ADGRL2: variants seen among roughly 807,000 people sequenced by gnomAD.
ADGRL2 encodes the protein calcium-independent alpha-latrotoxin receptor 2.
Under a neutral mutation model 157.4 loss-of-function variants are expected in ADGRL2, and 44 were observed. The ratio of observed to expected loss-of-function variants is 0.28; its 90% confidence interval spans 0.22 to 0.36. ADGRL2 has a LOEUF of 0.36. Ranked by LOEUF, ADGRL2 falls within the 10% of genes least tolerant of loss-of-function variation. The pLI, the probability that ADGRL2 is intolerant of heterozygous loss-of-function variation, is 1.00. For missense variants in ADGRL2, 1,510 were observed against 1,768.9 expected (o/e 0.85, Z 2.63); for synonymous variants, 585 against 624.7 (o/e 0.94, Z 0.95).
intron 2 of ADGRL2, among the ~76,000 whole-genome samples, chr1:81,773,143 CA>C (rs1473307561): frequency 6.6e-6 from 1 of 152,002 alleles, no homozygotes; most frequent in Non-Finnish European, 1.5e-5. Flanking sequence ...GACTTTTAGG[CA>C]AAGGGAGAAT....
intron 1 of ADGRL2, among the ~76,000 whole-genome samples, chr1:81,729,852 C>T (rs2084660940): frequency 1.3e-5 from 2 of 152,156 alleles, no homozygotes; most frequent in Admixed American, 6.5e-5. Flanking sequence ...CAATATATGA[C>T]ACATGGCTAA....
At chr1:81,843,738 A>G (rs2092686616) in intron 2 of ADGRL2, among the ~76,000 whole-genome samples, 1 of 152,216 alleles carries the variant, frequency 6.6e-6, no homozygotes, top group Non-Finnish European at 1.5e-5. Context: ...ATACACTGGC[A>G]TCTTTTCAAA....
At chr1:81,727,783 G>A (rs1337736084) in intron 1 of ADGRL2, among the ~76,000 whole-genome samples, 1 of 151,400 alleles carries the variant, frequency 6.6e-6, no homozygotes, top group Non-Finnish European at 1.5e-5. Context: ...CGTGTTTAAT[G>A]GCTGCACAGT....
intron 3 of ADGRL2, among the ~76,000 whole-genome samples, chr1:81,684,990 C>T (rs1248505400): frequency 6.6e-6 from 1 of 152,124 alleles, no homozygotes; most frequent in Non-Finnish European, 1.5e-5. Flanking sequence ...TTCCATTGGT[C>T]TATGTGCCTA....
At chr1:81,334,167 C>A (rs1027161932) in intron 1 of ADGRL2, among the ~76,000 whole-genome samples, 3 of 152,190 alleles carry the variant, frequency 2.0e-5, no homozygotes, top group African/African-American at 7.2e-5. Flanking sequence ...AGCTCTGAAA[C>A]CAGCTAGACT....
rs545122448 is a variant in ADGRL2, at chr1:81,632,708, G to A, written c.-143+51728G>A. Among the ~76,000 whole-genome samples, 4 of 151,074 alleles carry A rather than the reference G, an allele frequency of 2.6e-5. No individual in the cohort carries two copies. The South Asian group carries it at 8.4e-4, about 32-fold the overall frequency. ...CGGGAGGCGGAGCTCGCAGTGAGCC[G>A]AGATCGTGCCACTGCACTCCAGCCT... On this transcript the variant is annotated intron_variant, in intron 3 of 24. Transcript: ENST00000370721.
intron 3 of ADGRL2, among the ~76,000 whole-genome samples, chr1:81,691,091 A>T (rs1264055990): frequency 6.6e-6 from 1 of 152,216 alleles, no homozygotes; most frequent in Non-Finnish European, 1.5e-5. Context: ...CATTGCACGA[A>T]AATCGTACAG....
chr1:81,378,485 AG>A (rs2076289482), intron 1 of ADGRL2, among the ~76,000 whole-genome samples: 2 of 150,398 alleles, frequency 1.3e-5, no homozygotes, highest in African/African-American at 4.9e-5. Context: ...ACCTGAACCC[AG>A]GAGTTCCAGA....
intron 3 of ADGRL2, among the ~76,000 whole-genome samples, chr1:81,670,575 G>T (rs910302319): frequency 1.3e-5 from 2 of 152,182 alleles, no homozygotes; most frequent in Non-Finnish European, 2.9e-5. Flanking sequence ...GAGAAAATAG[G>T]TGAAAAGGAA....
chr1:81,322,111 C>A (rs12750577), intron 1 of ADGRL2, among the ~76,000 whole-genome samples: 1 of 74,578 alleles, frequency 1.3e-5, no homozygotes. Flanking sequence ...TATATATATA[C>A]ACATATATAT....
intron 1 of ADGRL2, among the ~76,000 whole-genome samples, chr1:81,747,375 A>T (rs1467356223): frequency 6.6e-6 from 1 of 150,680 alleles, no homozygotes; most frequent in African/African-American, 2.4e-5. Flanking sequence ...ATCTCAGCTC[A>T]CTGCAACCTC....
chr1:81,434,514 C>T (rs1365922941), intron 1 of ADGRL2, among the ~76,000 whole-genome samples: 2 of 151,642 alleles, frequency 1.3e-5, no homozygotes, highest in Non-Finnish European at 2.9e-5. Flanking sequence ...GATGAGGGTA[C>T]CATAAATATG....
chr1:81,816,986 A>G (rs1440197565), intron 1 of ADGRL2, among the ~76,000 whole-genome samples: 2 of 149,614 alleles, frequency 1.3e-5, no homozygotes, highest in African/African-American at 4.9e-5. Flanking sequence ...AAGTATATTT[A>G]GGGGGTACAA....
At chr1:81,316,615 A>T (rs1557590556) in intron 1 of ADGRL2, among the ~76,000 whole-genome samples, 3 of 152,206 alleles carry the variant, frequency 2.0e-5, no homozygotes, top group Non-Finnish European at 4.4e-5. Flanking sequence ...CTAACATGGT[A>T]TACGCAAGGT....
chr1:81,353,660 C>T (rs1663074930), intron 1 of ADGRL2, among the ~76,000 whole-genome samples: 1 of 152,118 alleles, frequency 6.6e-6, no homozygotes, highest in Non-Finnish European at 1.5e-5. Context: ...TAGACTGATT[C>T]CAAGGTTGGC....
At chr1:81,631,498 T>A (rs981611719) in intron 3 of ADGRL2, among the ~76,000 whole-genome samples, 1 of 152,190 alleles carries the variant, frequency 6.6e-6, no homozygotes, top group African/African-American at 2.4e-5. Context: ...TGAACCACTA[T>A]GCCCAGCCAG....
At chr1:81,382,199 A>G (rs1053010728) in intron 1 of ADGRL2, among the ~76,000 whole-genome samples, 4 of 152,220 alleles carry the variant, frequency 2.6e-5, no homozygotes, top group African/African-American at 9.6e-5. Context: ...GTTCACTAAC[A>G]GTTAGCAATA....
intron 2 of ADGRL2, chr1:81,557,525 GAGAAGA>G (rs2080336201): frequency 6.7e-6 from 1 of 148,700 alleles, no homozygotes; most frequent in Admixed American, 6.6e-5. Context: ...AAGAAAGAAA[GAGAAGA>G]AAGAAAGAAA....
At chr1:81,668,630 C>A (rs1301566946) in intron 3 of ADGRL2, among the ~76,000 whole-genome samples, 1 of 152,052 alleles carries the variant, frequency 6.6e-6, no homozygotes, top group Non-Finnish European at 1.5e-5. Context: ...GTGGTGTGAT[C>A]TTGGCTCACT....
Sources: allele counts gnomAD v4.1 joint callset (sites outside exome capture counted in the v4.1 genomes callset), GRCh38; gene constraint gnomAD v4.1.1; transcripts MANE v1.5; gene names NCBI Gene and HGNC (gene_info 2026-07-23, HGNC 2026-07-21).